The following ATXN8OS variants were observed in gnomAD, a reference collection of about 807,000 sequenced individuals.
The protein encoded by ATXN8OS is ATXN8 opposite strand (non-protein coding).
chr13:70,168,247 C>G (rs1889101599), intron 4 of ATXN8OS, among the ~76,000 whole-genome samples: 1 of 152,006 alleles, frequency 6.6e-6, no homozygotes, highest in Non-Finnish European at 1.5e-5. Flanking sequence ...CTTAATGTTT[C>G]TACATTTTTA....
At chr13:70,110,910 A>G (rs907558605) in intron 1 of ATXN8OS, among the ~76,000 whole-genome samples, 5 of 152,186 alleles carry the variant, frequency 3.3e-5, no homozygotes, top group Admixed American at 3.3e-4. Context: ...ATAGGCAAGA[A>G]GACATTGACA....
chr13:70,135,079 A>G (rs1244416989), intron 3 of ATXN8OS, among the ~76,000 whole-genome samples: 1 of 152,158 alleles, frequency 6.6e-6, no homozygotes, highest in Non-Finnish European at 1.5e-5. Flanking sequence ...CATAAACTTC[A>G]GTTCTGAACA....
chr13:70,153,013 A>G (rs576951731), intron 4 of ATXN8OS, among the ~76,000 whole-genome samples: 1,337 of 77,370 alleles, frequency 0.017, 16 homozygotes, highest in African/African-American at 0.066. Flanking sequence ...ATAAGAAAAA[A>G]CTGTGTGTGT....
At chr13:70,161,400 T>C (rs1180187656) in intron 4 of ATXN8OS, among the ~76,000 whole-genome samples, 1 of 152,156 alleles carries the variant, frequency 6.6e-6, no homozygotes, top group Non-Finnish European at 1.5e-5. Flanking sequence ...CTATTTTTGT[T>C]AGTAGATGTC....
chr13:70,158,415 TCAAA>T (rs1490425944), intron 4 of ATXN8OS, among the ~76,000 whole-genome samples: 1 of 152,104 alleles, frequency 6.6e-6, no homozygotes, highest in Non-Finnish European at 1.5e-5. Context: ...AGACTCCATC[TCAAA>T]CAAACAAGCA....
chr13:70,108,880 G>A (rs924988844), intron 1 of ATXN8OS, among the ~76,000 whole-genome samples: 3 of 152,180 alleles, frequency 2.0e-5, no homozygotes, highest in African/African-American at 7.2e-5. Context: ...CCACCATCCT[G>A]ACACTTACAT....
At chr13:70,109,887 T>C (rs944813749) in intron 1 of ATXN8OS, among the ~76,000 whole-genome samples, 2 of 152,218 alleles carry the variant, frequency 1.3e-5, no homozygotes, top group African/African-American at 4.8e-5. Flanking sequence ...GTAATTAATT[T>C]ATATAGAAAT....
At chr13:70,145,134 C>A (rs1888764959) in intron 3 of ATXN8OS, among the ~76,000 whole-genome samples, 1 of 152,024 alleles carries the variant, frequency 6.6e-6, no homozygotes, top group Admixed American at 6.6e-5. Flanking sequence ...TTGTTTTTAT[C>A]AGGTTTGTCA....
At chr13:70,135,443 T>G (rs1202293789) in intron 3 of ATXN8OS, among the ~76,000 whole-genome samples, 2 of 151,946 alleles carry the variant, frequency 1.3e-5, no homozygotes, top group Non-Finnish European at 2.9e-5. Flanking sequence ...AATTTTATCT[T>G]CTCACTCTAC....
intron 4 of ATXN8OS, among the ~76,000 whole-genome samples, chr13:70,160,223 A>C (rs1172447049): frequency 6.6e-6 from 1 of 152,128 alleles, no homozygotes; most frequent in Admixed American, 6.6e-5. Context: ...GTATTTGTAT[A>C]TTATATATTT....
At chr13:70,164,498 T>G (rs1368211694) in intron 4 of ATXN8OS, among the ~76,000 whole-genome samples, 1 of 152,012 alleles carries the variant, frequency 6.6e-6, no homozygotes, top group Non-Finnish European at 1.5e-5. Context: ...ATATTTCATC[T>G]TTGTACAAAA....
intron 4 of ATXN8OS, among the ~76,000 whole-genome samples, chr13:70,164,618 T>G (rs897398370): frequency 6.6e-6 from 1 of 152,178 alleles, no homozygotes; most frequent in South Asian, 2.1e-4. Context: ...CAAATACAAA[T>G]AATTTATCAC....
chr13:70,158,740 G>T (rs182039482), intron 4 of ATXN8OS, among the ~76,000 whole-genome samples: 1 of 152,206 alleles, frequency 6.6e-6, no homozygotes, highest in African/African-American at 2.4e-5. Flanking sequence ...TTATTTATGG[G>T]CACTGGATTT....
intron 2 of ATXN8OS, among the ~76,000 whole-genome samples, chr13:70,119,233 A>G (rs1888325085): frequency 1.3e-5 from 2 of 152,232 alleles, no homozygotes; most frequent in South Asian, 4.1e-4. Context: ...TCAAACTTAC[A>G]AAAATGAGGT....
intron 4 of ATXN8OS, among the ~76,000 whole-genome samples, chr13:70,152,345 AC>A (rs2137499658): frequency 1.8e-5 from 1 of 56,546 alleles, no homozygotes; most frequent in Admixed American, 2.6e-4. Context: ...TACACTCTGT[AC>A]CTGTGTGTGT....
chr13:70,169,459 G>C (rs545408847), intron 4 of ATXN8OS, among the ~76,000 whole-genome samples: 1 of 151,818 alleles, frequency 6.6e-6, no homozygotes, highest in Non-Finnish European at 1.5e-5. Context: ...ACCGCCCCCA[G>C]TAATTTTTGT....
chr13:70,113,409 GTC>G (rs1456948703), intron 1 of ATXN8OS, among the ~76,000 whole-genome samples: 1 of 152,002 alleles, frequency 6.6e-6, no homozygotes, highest in Non-Finnish European at 1.5e-5. Context: ...TAACACTAGA[GTC>G]TTTAAAAAAG....
intron 3 of ATXN8OS, among the ~76,000 whole-genome samples, chr13:70,133,936 C>T (rs1163346886): frequency 1.3e-5 from 2 of 152,200 alleles, no homozygotes; most frequent in Non-Finnish European, 2.9e-5. Flanking sequence ...TCAGTCATAT[C>T]CTTCCAGAAA....
At chr13:70,109,457 C>T (rs1327118681) in intron 1 of ATXN8OS, among the ~76,000 whole-genome samples, 2 of 152,174 alleles carry the variant, frequency 1.3e-5, no homozygotes, top group Admixed American at 6.5e-5. Flanking sequence ...TGCAGTTAGG[C>T]TACTGCTCAG....
Sources: gnomAD v4.1 joint callset for allele counts (sites outside exome capture counted in the v4.1 genomes callset) on GRCh38, gnomAD v4.1.1 for gene constraint, MANE v1.5 for transcripts, NCBI Gene and HGNC (gene_info 2026-07-23, HGNC 2026-07-21) for gene names.